Variants in PSD3 observed in about 807,000 individuals in gnomAD.
The protein encoded by PSD3 is pleckstrin and Sec7 domain containing 3, also known as PH and SEC7 domain-containing protein 3.
PSD3 carries 49 observed loss-of-function variants against 105.5 expected under a neutral mutation model. The observed-to-expected ratio is 0.46, with a 90% CI of 0.37 to 0.59. The LOEUF (loss-of-function observed/expected upper bound fraction) is 0.59, where lower values mean the gene tolerates loss of function less well. PSD3 is among the 20% of genes least tolerant of loss of function. PSD3 has a pLI of 0.00. For synonymous variants in PSD3, 557 were observed against 457.8 expected (o/e 1.22, Z -2.77); for missense variants, 1,561 against 1,263.8 (o/e 1.24, Z -3.57).
At chr8:18,935,990 C>T (rs781550434) in intron 2 of PSD3, 44 bp downstream of exon 2, 23 of 1,288,564 alleles carry the variant, frequency 1.8e-5, no homozygotes, top group Admixed American at 3.5e-5. Flanking sequence ...AATCACAGCT[C>T]TTCATATAGT....
At chr8:18,800,343 C>A (rs1810571012) in intron 7 of PSD3, among the ~76,000 whole-genome samples, 1 of 152,132 alleles carries the variant, frequency 6.6e-6, no homozygotes, top group African/African-American at 2.4e-5. Context: ...AGGAATGTGA[C>A]CTTAATCAGG....
At chr8:18,902,423 T>C (rs1819562596) in intron 2 of PSD3, among the ~76,000 whole-genome samples, 1 of 152,226 alleles carries the variant, frequency 6.6e-6, no homozygotes, top group African/African-American at 2.4e-5. Flanking sequence ...TTGTCTCTCT[T>C]TTCTGTTTTT....
chr8:18,924,014 C>G (rs1024391972), intron 2 of PSD3, among the ~76,000 whole-genome samples: 2 of 151,368 alleles, frequency 1.3e-5, no homozygotes, highest in Non-Finnish European at 2.9e-5. Context: ...AGTATGCTCT[C>G]CTGGTTGATT....
chr8:18,937,747 T>G (rs1409743795), intron 1 of PSD3, among the ~76,000 whole-genome samples: 1 of 152,078 alleles, frequency 6.6e-6, no homozygotes, highest in African/African-American at 2.4e-5. Flanking sequence ...TTTTTTGAAG[T>G]GTTTGGGGAG....
At chr8:18,559,785 G>C (rs529415255) in intron 14 of PSD3, among the ~76,000 whole-genome samples, 5 of 152,122 alleles carry the variant, frequency 3.3e-5, no homozygotes, top group African/African-American at 1.2e-4. Context: ...AGGAATACAG[G>C]CTAGAATGAC....
chr8:18,956,087 C>G (rs1823555333), intron 1 of PSD3, among the ~76,000 whole-genome samples: 1 of 151,994 alleles, frequency 6.6e-6, no homozygotes, highest in Admixed American at 6.6e-5. Flanking sequence ...GACCCCTAAT[C>G]AACTGAATGA....
At position 18,592,112 on chromosome 8, in the gene PSD3, G is replaced by C. The variant is rs544333486; in HGVS notation, c.2481+8252C>G. 2.0e-3 allele frequency among the ~76,000 whole-genome samples: 301 copies of C among 152,204 alleles called. 2 individuals are homozygous for C. The highest frequency in any genetic ancestry group is 6.6e-3 in the African/African-American group (276 of 41,518). ...AGAAACAAAGGTATAAGAATTACCT[G>C]CATAAACACTGTAAAGATGCTCAAC... is the stretch of plus-strand genomic sequence containing the variant. On this transcript the variant is annotated intron_variant, in intron 12 of 15. Transcript: ENST00000327040.
intron 15 of PSD3, among the ~76,000 whole-genome samples, chr8:18,544,868 G>A (rs1800364382): frequency 6.6e-6 from 1 of 152,068 alleles, no homozygotes; most frequent in Admixed American, 6.5e-5. Context: ...GAGTTTCCTG[G>A]ACAGGCCCTT....
chr8:18,576,688 G>C (rs2245642), intron 12 of PSD3, among the ~76,000 whole-genome samples: 1 of 152,024 alleles, frequency 6.6e-6, no homozygotes, highest in Non-Finnish European at 1.5e-5. Flanking sequence ...AACAGAACCC[G>C]GCACATGTGG....
intron 2 of PSD3, among the ~76,000 whole-genome samples, chr8:18,903,318 T>C (rs1362279752): frequency 6.6e-6 from 1 of 152,138 alleles, no homozygotes; most frequent in African/African-American, 2.4e-5. Flanking sequence ...GTAGTGACTC[T>C]AGACCCTGGG....
At chr8:18,819,705 A>C (rs2129449165) in intron 4 of PSD3, among the ~76,000 whole-genome samples, 1 of 149,092 alleles carries the variant, frequency 6.7e-6, no homozygotes, top group South Asian at 2.2e-4. Flanking sequence ...CAGCCTCCTG[A>C]GTAGCTAGGA....
intron 9 of PSD3, among the ~76,000 whole-genome samples, chr8:18,719,396 G>T (rs1802808234): frequency 6.6e-6 from 1 of 152,092 alleles, no homozygotes; most frequent in Non-Finnish European, 1.5e-5. Context: ...CAGAGAAAAA[G>T]AATTTTCTCA....
intron 9 of PSD3, among the ~76,000 whole-genome samples, chr8:18,758,444 T>G: frequency 6.6e-6 from 1 of 151,674 alleles, no homozygotes; most frequent in South Asian, 2.1e-4. Context: ...GAAGAATCAT[T>G]ACAGCTTTTG....
intron 1 of PSD3, among the ~76,000 whole-genome samples, chr8:18,996,093 T>C (rs576318916): frequency 6.6e-6 from 1 of 152,140 alleles, no homozygotes; most frequent in African/African-American, 2.4e-5. Flanking sequence ...CCACACAAGA[T>C]CCAAGGACAC....
intron 14 of PSD3, among the ~76,000 whole-genome samples, chr8:18,565,253 G>T (rs557391814): frequency 6.6e-5 from 10 of 152,204 alleles, no homozygotes; most frequent in Admixed American, 3.9e-4. Context: ...CAGAAAGGGA[G>T]GTTGTGAGCA....
At chr8:18,572,492 T>A (rs200271040) in intron 14 of PSD3, 36 bp downstream of exon 14, 120 of 1,595,440 alleles carry the variant, frequency 7.5e-5, no homozygotes, top group Non-Finnish European at 9.9e-5. Context: ...TACAAAGTAC[T>A]TTTTCCCAAG....
chr8:18,944,705 T>C (rs1222812563), intron 1 of PSD3, among the ~76,000 whole-genome samples: 1 of 152,200 alleles, frequency 6.6e-6, no homozygotes, highest in East Asian at 1.9e-4. Context: ...AAATATCTTG[T>C]TTCACACCAA....
At chr8:18,575,820 T>C (rs1309043468) in intron 12 of PSD3, among the ~76,000 whole-genome samples, 1 of 152,184 alleles carries the variant, frequency 6.6e-6, no homozygotes, top group Admixed American at 6.5e-5. Context: ...ATAAAATAAT[T>C]ACTCCAGCTC....
chr8:18,581,890 A>G (rs1164930748), intron 12 of PSD3, among the ~76,000 whole-genome samples: 1 of 152,194 alleles, frequency 6.6e-6, no homozygotes, highest in Non-Finnish European at 1.5e-5. Context: ...TGAAAGGCAT[A>G]TGTGACTAAG....
Sources: allele counts gnomAD v4.1 joint callset (sites outside exome capture counted in the v4.1 genomes callset), GRCh38; gene constraint gnomAD v4.1.1; transcripts MANE v1.5; gene names NCBI Gene and HGNC (gene_info 2026-07-23, HGNC 2026-07-21).